The following FGF12 variants were observed in gnomAD, a reference collection of about 807,000 sequenced individuals.
FGF12 encodes the protein fibroblast growth factor 12.
Under a neutral mutation model 23.6 loss-of-function variants are expected in FGF12, and 14 were observed. That is an observed-to-expected ratio of 0.59 (90% CI 0.39 to 0.93). The LOEUF is 0.93. Ranked by LOEUF, FGF12 falls within the 40% of genes least tolerant of loss-of-function variation. The pLI is 0.00. For missense variants in FGF12, 175 were observed against 217.8 expected (o/e 0.80, Z 1.24); for synonymous variants, 62 against 77.3 (o/e 0.80, Z 1.04).
chr3:192,207,751 G>C (rs1379943608), intron 4 of FGF12, among the ~76,000 whole-genome samples: 1 of 152,146 alleles, frequency 6.6e-6, no homozygotes, highest in South Asian at 2.1e-4. Flanking sequence ...GAGTGGATTT[G>C]TTTTTCAGGA....
chr3:192,251,552 C>T (rs1435463665), intron 4 of FGF12, among the ~76,000 whole-genome samples: 1 of 152,026 alleles, frequency 6.6e-6, no homozygotes, highest in Non-Finnish European at 1.5e-5. Context: ...TGTTTAGAAA[C>T]TTTATTCATA....
At chr3:192,545,724 A>G (rs1725478926) in intron 2 of FGF12, among the ~76,000 whole-genome samples, 1 of 152,226 alleles carries the variant, frequency 6.6e-6, no homozygotes, top group African/African-American at 2.4e-5. Context: ...CTGGTACTTT[A>G]AGGAGACAAT....
intron 3 of FGF12, among the ~76,000 whole-genome samples, chr3:192,347,130 G>C (rs574006277): frequency 2.0e-5 from 3 of 152,096 alleles, no homozygotes; most frequent in African/African-American, 7.2e-5. Context: ...TTGAAGACAA[G>C]TACTTTTTAA....
At chr3:192,510,529 A>G (rs1724437282) in intron 2 of FGF12, among the ~76,000 whole-genome samples, 1 of 152,214 alleles carries the variant, frequency 6.6e-6, no homozygotes, top group South Asian at 2.1e-4. Flanking sequence ...TGGGACAGCC[A>G]TATGCTACAG....
At chr3:192,580,155 ACT>A (rs1157085108) in intron 2 of FGF12, among the ~76,000 whole-genome samples, 2 of 151,714 alleles carry the variant, frequency 1.3e-5, no homozygotes, top group Non-Finnish European at 2.9e-5. Flanking sequence ...GTTGTAGCTT[ACT>A]CTTTATTTGC....
At chr3:192,215,792 T>A (rs1718165098) in intron 4 of FGF12, among the ~76,000 whole-genome samples, 1 of 152,218 alleles carries the variant, frequency 6.6e-6, no homozygotes, top group African/African-American at 2.4e-5. Flanking sequence ...AACAAAGCCA[T>A]TTCTTTGATA....
At chr3:192,717,599 A>C (rs1438926931) in intron 2 of FGF12, among the ~76,000 whole-genome samples, 2 of 152,172 alleles carry the variant, frequency 1.3e-5, no homozygotes, top group Non-Finnish European at 2.9e-5. Context: ...AAAGCATAGA[A>C]AGAAAATCTG....
chr3:192,221,440 A>G (rs1718471572), intron 4 of FGF12, among the ~76,000 whole-genome samples: 1 of 152,174 alleles, frequency 6.6e-6, no homozygotes, highest in Admixed American at 6.6e-5. Flanking sequence ...AATGAGAGAC[A>G]CTATTATACC....
chr3:192,537,804 T>C (rs1014994997), intron 2 of FGF12, among the ~76,000 whole-genome samples: 3 of 152,162 alleles, frequency 2.0e-5, no homozygotes, highest in African/African-American at 2.4e-5. Context: ...CTTGATGTGA[T>C]CCCATTTGTC....
At chr3:192,325,285 C>T (rs1351412482) in intron 4 of FGF12, among the ~76,000 whole-genome samples, 1 of 151,930 alleles carries the variant, frequency 6.6e-6, no homozygotes, top group Admixed American at 6.6e-5. Flanking sequence ...TGCTATACCC[C>T]CCAATTTTTT....
chr3:192,210,449 G>T (rs1362209846), intron 4 of FGF12, among the ~76,000 whole-genome samples: 1 of 152,196 alleles, frequency 6.6e-6, no homozygotes, highest in Admixed American at 6.5e-5. Context: ...TCCCCACAAA[G>T]GTGGACAGAC....
chr3:192,285,314 C>T (rs973660348), intron 4 of FGF12, among the ~76,000 whole-genome samples: 1 of 151,946 alleles, frequency 6.6e-6, no homozygotes, highest in South Asian at 2.1e-4. Flanking sequence ...ATTGGCCAAG[C>T]CAGTACTAAA....
chr3:192,370,276 A>G (rs2108742665), intron 2 of FGF12, among the ~76,000 whole-genome samples: 1 of 152,330 alleles, frequency 6.6e-6, no homozygotes, highest in Non-Finnish European at 1.5e-5. Flanking sequence ...CAGCCTTCAT[A>G]TATGTACATG....
At chr3:192,163,038 C>T (rs1216226279) in intron 5 of FGF12, among the ~76,000 whole-genome samples, 1 of 152,030 alleles carries the variant, frequency 6.6e-6, no homozygotes, top group East Asian at 1.9e-4. Flanking sequence ...TCATATTATT[C>T]CTTTGAAGCA....
At chr3:192,506,617 C>A (rs1051353232) in intron 2 of FGF12, among the ~76,000 whole-genome samples, 4 of 152,142 alleles carry the variant, frequency 2.6e-5, no homozygotes, top group Non-Finnish European at 5.9e-5. Flanking sequence ...AGTAACCTGC[C>A]CACCTCAGTC....
chr3:192,267,239 C>T (rs1374712962), intron 4 of FGF12: 1 of 152,122 alleles, frequency 6.6e-6, no homozygotes, highest in African/African-American at 2.4e-5. Context: ...ACTTAGATAA[C>T]TATGCTTGAT....
chr3:192,429,372 G>C (rs1019692597), intron 2 of FGF12, among the ~76,000 whole-genome samples: 11 of 152,208 alleles, frequency 7.2e-5, no homozygotes, highest in Non-Finnish European at 1.5e-4. Flanking sequence ...TTTGGAAAAA[G>C]AAGTGGACTG....
chr3:192,196,650 A>G (rs1021163149), intron 4 of FGF12, among the ~76,000 whole-genome samples: 1 of 152,206 alleles, frequency 6.6e-6, no homozygotes, highest in African/African-American at 2.4e-5. Flanking sequence ...AAAATATTCT[A>G]GGGTGTAAAT....
At chr3:192,312,848 T>A (rs1416659289) in intron 4 of FGF12, among the ~76,000 whole-genome samples, 2 of 152,150 alleles carry the variant, frequency 1.3e-5, no homozygotes, top group African/African-American at 4.8e-5. Context: ...TTTATTATAG[T>A]ATTAACGTAT....
Sources: gnomAD v4.1 joint callset for allele counts (sites outside exome capture counted in the v4.1 genomes callset) on GRCh38, gnomAD v4.1.1 for gene constraint, MANE v1.5 for transcripts, NCBI Gene and HGNC (gene_info 2026-07-23, HGNC 2026-07-21) for gene names.